The following GRIK2 variants were observed in gnomAD, a reference collection of about 807,000 sequenced individuals.
The protein encoded by GRIK2 is glutamate ionotropic receptor kainate type subunit 2.
Under a neutral mutation model 100.3 loss-of-function variants are expected in GRIK2, and 32 were observed. The observed-to-expected ratio is 0.32, with a 90% confidence interval of 0.24 to 0.43. The LOEUF is 0.43. Ranked by LOEUF, GRIK2 falls within the 20% of genes least tolerant of loss-of-function variation. GRIK2 has a pLI of 1.00. For missense variants in GRIK2, 843 were observed against 1,114.9 expected, an observed-to-expected ratio of 0.76 and a Z score of 3.47; for synonymous variants, 417 against 389.4, an observed-to-expected ratio of 1.07 and a Z score of -0.83.
chr6:101,963,641 C>T (rs551121007), intron 14 of GRIK2, among the ~76,000 whole-genome samples: 7 of 151,218 alleles, frequency 4.6e-5, no homozygotes, highest in East Asian at 1.9e-4. Context: ...CGTGAGCCAC[C>T]GCGCCCGGCC....
At chr6:101,910,836 A>G (rs1167300399) in intron 12 of GRIK2, among the ~76,000 whole-genome samples, 3 of 59,866 alleles carry the variant, frequency 5.0e-5, no homozygotes, top group African/African-American at 2.1e-4. Context: ...ATACCAACAT[A>G]CACCACACAC....
chr6:101,756,159 A>C (rs1461655193), intron 7 of GRIK2, among the ~76,000 whole-genome samples: 1 of 152,178 alleles, frequency 6.6e-6, no homozygotes, highest in Non-Finnish European at 1.5e-5. Flanking sequence ...TGAGCAGAAG[A>C]GGTAAGTTTC....
chr6:101,664,284 A>T (rs1354709345), intron 4 of GRIK2, among the ~76,000 whole-genome samples: 1 of 152,230 alleles, frequency 6.6e-6, no homozygotes, highest in Non-Finnish European at 1.5e-5. Flanking sequence ...AGGACAAAAA[A>T]GAAATAGATA....
Position 101,592,586 on chromosome 6 carries a change from C to CATATAT in GRIK2, c.116-29362_116-29361insTATATA, listed in dbSNP as rs1491243587. Among the ~76,000 whole-genome samples, 208 of 53,258 alleles carry CATATAT rather than the reference C, an allele frequency of 3.9e-3. 1 individual carries two copies. Among genetic ancestry groups the CATATAT allele is most frequent in the African/African-American group, 0.014 (165 of 12,126 alleles). The allele number at this position is 53,258 out of a possible 152,430, so 34.9% of individuals were successfully genotyped here. A position where few individuals can be genotyped will look rare whatever the true frequency, so the allele number is the denominator to read the frequency against. On this transcript the variant is annotated intron_variant, in intron 2 of 16. Transcript: ENST00000369134. ...AGTCATGGGATAGAATTACTAATAT[C>CATATAT]ACATATATATATATATATATATATA...
chr6:101,473,438 A>G (rs2128257260), intron 2 of GRIK2, among the ~76,000 whole-genome samples: 1 of 151,902 alleles, frequency 6.6e-6, no homozygotes, highest in South Asian at 2.1e-4. Context: ...TTTATTATTG[A>G]ACAATATAAA....
chr6:101,431,415 C>G (rs1045132952), intron 2 of GRIK2: 1 of 152,146 alleles, frequency 6.6e-6, no homozygotes. Flanking sequence ...AGTTTATATT[C>G]TGGTGCTGGG....
chr6:101,625,664 C>T (rs995084033), intron 3 of GRIK2, among the ~76,000 whole-genome samples: 1 of 151,988 alleles, frequency 6.6e-6, no homozygotes, highest in Non-Finnish European at 1.5e-5. Context: ...TTTGTTCATG[C>T]CTTTCTTAAT....
At chr6:101,615,912 C>T (rs548845135) in intron 2 of GRIK2, among the ~76,000 whole-genome samples, 2 of 151,834 alleles carry the variant, frequency 1.3e-5, no homozygotes, top group Admixed American at 1.3e-4. Context: ...TATAGAGAGC[C>T]TTATATTTCA....
intron 2 of GRIK2, among the ~76,000 whole-genome samples, chr6:101,406,966 C>G (rs1775628725): frequency 6.6e-6 from 1 of 152,056 alleles, no homozygotes; most frequent in African/African-American, 2.4e-5. Context: ...GAAGATGTTG[C>G]CTCTAGCTCT....
chr6:101,966,671 AT>A (rs998004840), intron 14 of GRIK2, among the ~76,000 whole-genome samples: 1 of 152,122 alleles, frequency 6.6e-6, no homozygotes, highest in African/African-American at 2.4e-5. Flanking sequence ...AGGGACGAAT[AT>A]TTGACAGGCC....
At chr6:101,529,711 G>A (rs1775332255) in intron 2 of GRIK2, among the ~76,000 whole-genome samples, 1 of 152,102 alleles carries the variant, frequency 6.6e-6, no homozygotes, top group South Asian at 2.1e-4. Flanking sequence ...AGGGAAAGAA[G>A]ACTGAAATAA....
At chr6:101,455,373 G>C (rs1770945460) in intron 2 of GRIK2, among the ~76,000 whole-genome samples, 1 of 152,118 alleles carries the variant, frequency 6.6e-6, no homozygotes, top group Non-Finnish European at 1.5e-5. Flanking sequence ...AGTGACTAGA[G>C]TGGGAAGAGG....
chr6:101,801,653 A>C (rs1780678512), intron 8 of GRIK2, among the ~76,000 whole-genome samples: 2 of 151,972 alleles, frequency 1.3e-5, no homozygotes, highest in South Asian at 4.1e-4. Context: ...AACAATGGAA[A>C]ACATCTAATT....
At chr6:101,642,288 T>G (rs1164185650) in intron 4 of GRIK2, among the ~76,000 whole-genome samples, 1 of 151,864 alleles carries the variant, frequency 6.6e-6, no homozygotes, top group African/African-American at 2.4e-5. Flanking sequence ...CATTTTTAAA[T>G]GTACAATTCA....
intron 14 of GRIK2, among the ~76,000 whole-genome samples, chr6:101,938,151 C>T (rs1345005128): frequency 1.3e-5 from 2 of 151,672 alleles, no homozygotes; most frequent in African/African-American, 4.8e-5. Context: ...CTTTATGAAG[C>T]AAAAGGAGAT....
At chr6:101,655,462 A>G (rs1467394140) in intron 4 of GRIK2, among the ~76,000 whole-genome samples, 4 of 152,162 alleles carry the variant, frequency 2.6e-5, no homozygotes, top group Non-Finnish European at 5.9e-5. Context: ...CAGCTGCACC[A>G]AAGAATAAAA....
intron 11 of GRIK2, among the ~76,000 whole-genome samples, chr6:101,881,286 A>G (rs901072822): frequency 1.3e-5 from 2 of 151,912 alleles, no homozygotes; most frequent in Admixed American, 1.3e-4. Flanking sequence ...ACCATATTTT[A>G]TATATAGGTA....
intron 11 of GRIK2, among the ~76,000 whole-genome samples, chr6:101,884,424 T>C (rs1243763833): frequency 2.6e-5 from 4 of 152,136 alleles, no homozygotes; most frequent in Non-Finnish European, 5.9e-5. Context: ...GATCATGTAT[T>C]ATAAAAATAA....
intron 2 of GRIK2, among the ~76,000 whole-genome samples, chr6:101,535,179 A>T (rs947108776): frequency 1.3e-5 from 2 of 151,796 alleles, no homozygotes; most frequent in Non-Finnish European, 2.9e-5. Context: ...AACAAAATGT[A>T]TCACTAAAAT....
Sources: gnomAD v4.1 joint callset for allele counts (sites outside exome capture counted in the v4.1 genomes callset) on GRCh38, gnomAD v4.1.1 for gene constraint, MANE v1.5 for transcripts, NCBI Gene and HGNC (gene_info 2026-07-23, HGNC 2026-07-21) for gene names.